MEGF11: variants seen among roughly 807,000 people sequenced by gnomAD.
The protein encoded by MEGF11 is multiple EGF like domains 11, also known as multiple epidermal growth factor-like domains protein 11.
Under a neutral mutation model 146.6 loss-of-function variants are expected in MEGF11, and 126 were observed. The ratio of observed to expected loss-of-function variants is 0.86; its 90% CI spans 0.74 to 1.00. The LOEUF (loss-of-function observed/expected upper bound fraction) is 1.00. MEGF11 is among the 50% of genes least tolerant of loss of function. The pLI is 0.00. For synonymous variants in MEGF11, 532 were observed against 583.4 expected (o/e 0.91, Z 1.27); for missense variants, 1,509 against 1,521.2 (o/e 0.99, Z 0.13).
chr15:66,205,433 G>T (rs746616795), intron 1 of MEGF11, among the ~76,000 whole-genome samples: 9 of 152,266 alleles, frequency 5.9e-5, no homozygotes, highest in Non-Finnish European at 8.8e-5. Context: ...GACAGAACGA[G>T]ATCCTGTCTT....
chr15:65,922,451 C>T lies in MEGF11; in HGVS notation c.1844G>A (p.Gly615Asp). Residue 615 changes from glycine to aspartate, a missense_variant, in exon 15 of 26, where the codon GGC becomes GAC. Coordinates refer to ENST00000395614, the MANE Select transcript of MEGF11 (RefSeq NM_001385028.1). ...CQRICPPGFY[G>D]HGCAQPCPLC... ...GGGGCATGGCTGGGCGCAGCCGTGG[C>T]CATAGAACCCAGGGGGGCAGACTGA... 4 of 1,578,680 alleles carry T rather than the reference C, an allele frequency of 2.5e-6. No individual in the cohort carries two copies. Among genetic ancestry groups the T allele is most frequent in the Non-Finnish European group, 3.4e-6 (4 of 1,162,680 alleles).
intron 1 of MEGF11, among the ~76,000 whole-genome samples, chr15:66,160,936 G>A (rs2089933111): frequency 1.3e-5 from 2 of 152,128 alleles, no homozygotes; most frequent in Admixed American, 6.5e-5. Flanking sequence ...GCCTAAGTAG[G>A]TGAGGGAGAA....
At chr15:66,195,255 A>G (rs191284330) in intron 1 of MEGF11, among the ~76,000 whole-genome samples, 3 of 152,326 alleles carry the variant, frequency 2.0e-5, no homozygotes, top group Admixed American at 2.0e-4. Context: ...CTTCTCTCCA[A>G]ATATAATCAC....
intron 1 of MEGF11, among the ~76,000 whole-genome samples, chr15:66,161,312 G>A (rs1450454348): frequency 6.6e-6 from 1 of 152,212 alleles, no homozygotes; most frequent in East Asian, 1.9e-4. Context: ...CCACACGGGT[G>A]AAGAAAGAAG....
intron 5 of MEGF11, among the ~76,000 whole-genome samples, chr15:66,018,146 G>T (rs1225534243): frequency 1.3e-5 from 2 of 152,188 alleles, no homozygotes; most frequent in Non-Finnish European, 2.9e-5. Context: ...CAGTCCACAG[G>T]ATGAGGCTGG....
intron 5 of MEGF11, among the ~76,000 whole-genome samples, chr15:66,048,905 G>A (rs1184500570): frequency 3.3e-5 from 5 of 152,204 alleles, no homozygotes; most frequent in Non-Finnish European, 7.3e-5. Flanking sequence ...CTTGGGAAGG[G>A]CACGCTTTCT....
At chr15:66,174,680 C>T (rs1046069470) in intron 1 of MEGF11, among the ~76,000 whole-genome samples, 1 of 151,848 alleles carries the variant, frequency 6.6e-6, no homozygotes, top group Non-Finnish European at 1.5e-5. Context: ...CCAGCCCAGC[C>T]CCACCTGTGG....
rs564371302 is a variant in MEGF11 at position 66,077,186 on chromosome 15, C to T, written c.394+17216G>A. On this transcript the variant is annotated intron_variant, in intron 5 of 25. Coordinates refer to ENST00000395614, the MANE Select transcript of MEGF11 (RefSeq NM_001385028.1). ...TGGCTCCCACTCCTCTGGGTGCCTC[C>T]GCTTCAACCACACTGACCTGCTCAG... Among the ~76,000 whole-genome samples, 9 of 152,316 alleles carry T rather than the reference C, an allele frequency of 5.9e-5. No individual in the cohort carries two copies. In the South Asian group the frequency reaches 6.2e-4, roughly 11 times the overall value.
At chr15:66,225,113 C>A (rs1396059361) in intron 1 of MEGF11, among the ~76,000 whole-genome samples, 1 of 152,222 alleles carries the variant, frequency 6.6e-6, no homozygotes, top group African/African-American at 2.4e-5. Context: ...AGCAGCCAGC[C>A]AGAAGGGCCC....
chr15:66,225,286 A>C (rs539674328), intron 1 of MEGF11, among the ~76,000 whole-genome samples: 1 of 152,214 alleles, frequency 6.6e-6, no homozygotes. Flanking sequence ...GCCCTGCCTG[A>C]AAAAGAGGCC....
chr15:66,088,356 G>A (rs956121145), intron 5 of MEGF11, among the ~76,000 whole-genome samples: 6 of 152,196 alleles, frequency 3.9e-5, no homozygotes, highest in African/African-American at 1.4e-4. Context: ...AACCAGGAAA[G>A]GACATAACCA....
chr15:65,973,353 G>A (rs1158397787), intron 7 of MEGF11, among the ~76,000 whole-genome samples: 1 of 152,186 alleles, frequency 6.6e-6, no homozygotes, highest in African/African-American at 2.4e-5. Context: ...AAACTGGAGA[G>A]ACTTCTAATG....
intron 1 of MEGF11, among the ~76,000 whole-genome samples, chr15:66,171,447 A>T (rs2090253581): frequency 6.6e-6 from 1 of 152,010 alleles, no homozygotes; most frequent in South Asian, 2.1e-4. Context: ...GTACTCTAAG[A>T]TTCCAAGGAC....
chr15:66,175,841 A>G (rs1217726377), intron 1 of MEGF11, among the ~76,000 whole-genome samples: 1 of 152,222 alleles, frequency 6.6e-6, no homozygotes, highest in African/African-American at 2.4e-5. Context: ...CAAACTAAAA[A>G]GTTCTACACA....
In MEGF11 at chr15:65,898,045, A is replaced by G; in HGVS notation, c.3312T>C (p.Tyr1104=). Residue 1104 remains tyrosine (Y), a synonymous_variant, in exon 26 of 26, where the codon TAT becomes TAC. Transcript: ENST00000395614. ...TAGGTAGGTCGTATGCATTCTGGATATAGCTGGAGTTATGACCGCAACCTT... is the reference window on the plus strand; with the variant it reads ...TAGGTAGGTCGTATGCATTCTGGATGTAGCTGGAGTTATGACCGCAACCTT... ...VQEGCGHNSS[Y]IQNAYDLPRN... is the part of the protein sequence containing the mutation. The G allele has an allele frequency of 6.2e-7, 1 of 1,614,010 alleles. No homozygotes were observed. The highest frequency in any genetic ancestry group is 1.3e-5 in the African/African-American group (1 of 75,064).
At chr15:66,088,839 G>T (rs4383081) in intron 5 of MEGF11, among the ~76,000 whole-genome samples, 3 of 152,140 alleles carry the variant, frequency 2.0e-5, no homozygotes, top group East Asian at 3.9e-4. Flanking sequence ...GCCAGGGAAG[G>T]GGGCAACGGG....
At chr15:65,908,965 G>A (rs2078711110) in intron 23 of MEGF11, 69 bp downstream of exon 23, 1 of 976,898 alleles carries the variant, frequency 1.0e-6, no homozygotes, top group South Asian at 1.4e-5. Flanking sequence ...AAGGTGCAGG[G>A]ATGGGGATTA....
intron 5 of MEGF11, among the ~76,000 whole-genome samples, chr15:66,025,739 C>T (rs967718602): frequency 3.9e-5 from 6 of 152,262 alleles, no homozygotes; most frequent in African/African-American, 9.6e-5. Context: ...TTCAGCCCCC[C>T]GCCGAGGCTG....
At chr15:65,996,900 T>G (rs1379257951) in intron 5 of MEGF11, among the ~76,000 whole-genome samples, 1 of 152,166 alleles carries the variant, frequency 6.6e-6, no homozygotes, top group Non-Finnish European at 1.5e-5. Context: ...AGGCCATTGG[T>G]CTGGTGAGTT....
Sources: gnomAD v4.1 joint callset for allele counts (sites outside exome capture counted in the v4.1 genomes callset) on GRCh38, gnomAD v4.1.1 for gene constraint, MANE v1.5 for transcripts, NCBI Gene and HGNC (gene_info 2026-07-23, HGNC 2026-07-21) for gene names.